PTPRD: variants seen among roughly 807,000 people sequenced by gnomAD.
PTPRD encodes the protein protein tyrosine phosphatase receptor type D, also known as receptor-type tyrosine-protein phosphatase delta.
PTPRD carries 34 observed loss-of-function variants against 214.5 expected under a neutral mutation model. That is an observed-to-expected ratio of 0.16 (90% CI 0.12 to 0.21). The LOEUF (loss-of-function observed/expected upper bound fraction) is 0.21, where lower values mean the gene tolerates loss of function less well. Among genes scored for constraint, PTPRD ranks in the 10% least tolerant of loss-of-function variants. The pLI, the probability that PTPRD is intolerant of heterozygous loss-of-function variation, is 1.00. For missense variants in PTPRD, 2,545 were observed against 2,398.7 expected (o/e 1.06, Z -1.27); for synonymous variants, 1,128 against 845.7 (o/e 1.33, Z -5.79).
intron 9 of PTPRD, among the ~76,000 whole-genome samples, chr9:9,265,668 T>C (rs994054344): frequency 1.3e-5 from 2 of 151,536 alleles, no homozygotes; most frequent in Non-Finnish European, 3.0e-5. Flanking sequence ...AATCCTATTT[T>C]TTATGTAAGC....
intron 10 of PTPRD, among the ~76,000 whole-genome samples, chr9:9,079,338 A>T (rs1255988603): frequency 1.3e-5 from 2 of 152,056 alleles, no homozygotes; most frequent in Non-Finnish European, 1.5e-5. Flanking sequence ...TATTTCACTT[A>T]ATATCCTTCA....
chr9:8,316,678 T>G lies in PTPRD; in HGVS notation c.*1196A>C, dbSNP rs1563836095. 1 of 230,306 alleles carries G rather than the reference T, an allele frequency of 4.3e-6. No individual in the cohort carries two copies. Among genetic ancestry groups the G allele is most frequent in the African/African-American group, 2.2e-5 (1 of 45,030 alleles). The allele number at this position is 230,306 out of a possible 1,614,324, so 14.3% of individuals were successfully genotyped here. A position where few individuals can be genotyped will look rare whatever the true frequency, so the allele number is the denominator to read the frequency against. On this transcript the variant is annotated 3_prime_UTR_variant, in exon 46 of 46. Transcript: ENST00000381196. ...TATTGAACTTTGTTGGAAGCCTGAC[T>G]AACAAACAAACAAAACAATTTGTGG... is the stretch of plus-strand genomic sequence containing the variant.
intron 8 of PTPRD, among the ~76,000 whole-genome samples, chr9:9,398,352 T>G (rs2068725655): frequency 6.6e-6 from 1 of 152,026 alleles, no homozygotes; most frequent in Non-Finnish European, 1.5e-5. Flanking sequence ...GTTTATGCCT[T>G]AACCCTGTTC....
intron 10 of PTPRD, among the ~76,000 whole-genome samples, chr9:9,122,644 C>G (rs887602551): frequency 1.3e-5 from 2 of 152,208 alleles, no homozygotes; most frequent in African/African-American, 4.8e-5. Context: ...TGCCGCAGTA[C>G]ATGACATGAA....
At chr9:10,486,434 G>T (rs1173512421) in intron 2 of PTPRD, among the ~76,000 whole-genome samples, 1 of 152,150 alleles carries the variant, frequency 6.6e-6, no homozygotes, top group Non-Finnish European at 1.5e-5. Context: ...TTACTGAATA[G>T]GAGATTCTCT....
intron 3 of PTPRD, among the ~76,000 whole-genome samples, chr9:10,120,452 A>G (rs562678539): frequency 6.6e-6 from 1 of 152,030 alleles, no homozygotes. Context: ...CACACAAATC[A>G]TAAGATCTCA....
chr9:9,084,716 C>G (rs748621002), intron 10 of PTPRD, among the ~76,000 whole-genome samples: 14 of 152,038 alleles, frequency 9.2e-5, no homozygotes, highest in Non-Finnish European at 2.9e-5. Context: ...ATGACACACA[C>G]TATAGCAAAA....
At chr9:9,795,998 T>C (rs979593317) in intron 5 of PTPRD, among the ~76,000 whole-genome samples, 13 of 152,100 alleles carry the variant, frequency 8.5e-5, no homozygotes, top group Admixed American at 2.6e-4. Context: ...AAAAAGAAAA[T>C]ATATAGAATT....
chr9:10,231,956 T>TAGAGAGAGAGAGAGAG (rs56151511), intron 3 of PTPRD, among the ~76,000 whole-genome samples: 2 of 109,018 alleles, frequency 1.8e-5, no homozygotes, highest in African/African-American at 8.3e-5. Context: ...GGGAATGAAT[T>TAGAGAGAGAGAGAGAG]AGAGAGAGAG....
chr9:9,191,632 A>T (rs1056428773), intron 9 of PTPRD, among the ~76,000 whole-genome samples: 2 of 152,114 alleles, frequency 1.3e-5, no homozygotes, highest in Non-Finnish European at 2.9e-5. Context: ...ATGCCTGATG[A>T]TGACCATATC....
At chr9:10,562,380 T>C (rs2064242532) in intron 2 of PTPRD, among the ~76,000 whole-genome samples, 1 of 151,982 alleles carries the variant, frequency 6.6e-6, no homozygotes, top group African/African-American at 2.4e-5. Flanking sequence ...TCAGCACAAT[T>C]AGAAGTAACA....
At chr9:9,758,497 C>A (rs1452052428) in intron 6 of PTPRD, among the ~76,000 whole-genome samples, 1 of 152,056 alleles carries the variant, frequency 6.6e-6, no homozygotes. Flanking sequence ...TGAAGAATCA[C>A]CAAATGATTG....
Position 8,449,805 on chromosome 9 carries a change from C to A in PTPRD, c.3908G>T (p.Ser1303Ile), listed in dbSNP as rs756024990. 1 of 1,613,982 alleles carries A rather than the reference C, an allele frequency of 6.2e-7. No homozygotes were observed. Among genetic ancestry groups the A allele is most frequent in the South Asian group, 1.1e-5 (1 of 91,078 alleles). ...AGGGATCTCCTTATTGTTCGGTATG[C>A]TGCTTTTTCTAGAGTCGGACTCTGC... ...KRAESDSRKSSIPNNKEIPSH... is the reference protein window; with the variant it reads ...KRAESDSRKSIIPNNKEIPSH... Residue 1303 changes from serine to isoleucine, a missense_variant, in exon 34 of 46, where the codon AGC becomes ATC. Ser to Ile is a moderately radical substitution (Grantham distance 142). Coordinates refer to ENST00000381196, the MANE Select transcript of PTPRD (RefSeq NM_002839.4).
At chr9:9,628,346 T>C (rs1231811640) in intron 7 of PTPRD, among the ~76,000 whole-genome samples, 1 of 152,196 alleles carries the variant, frequency 6.6e-6, no homozygotes, top group Non-Finnish European at 1.5e-5. Flanking sequence ...AAAATCAGCA[T>C]ATCCAAAAAC....
At chr9:10,512,211 C>A (rs1283046387) in intron 2 of PTPRD, among the ~76,000 whole-genome samples, 1 of 150,144 alleles carries the variant, frequency 6.7e-6, no homozygotes, top group East Asian at 2.0e-4. Context: ...CAAAAAAAAT[C>A]AGTAAAAATT....
intron 10 of PTPRD, among the ~76,000 whole-genome samples, chr9:9,150,323 T>A (rs987369956): frequency 6.6e-6 from 1 of 151,760 alleles, no homozygotes; most frequent in Non-Finnish European, 1.5e-5. Context: ...ACGTGCTTTG[T>A]GCTAGCGTAG....
chr9:10,589,553 G>T (rs1374247495), intron 2 of PTPRD, among the ~76,000 whole-genome samples: 1 of 152,050 alleles, frequency 6.6e-6, no homozygotes, highest in African/African-American at 2.4e-5. Context: ...AGTAAAGGGG[G>T]AGAGACAGAC....
chr9:10,301,303 G>A (rs554279906), intron 3 of PTPRD, among the ~76,000 whole-genome samples: 1 of 152,264 alleles, frequency 6.6e-6, no homozygotes, highest in South Asian at 2.1e-4. Flanking sequence ...AATCCACAAA[G>A]ATGGGGAGAA....
chr9:9,445,098 G>A (rs2089919505), intron 8 of PTPRD, among the ~76,000 whole-genome samples: 2 of 152,084 alleles, frequency 1.3e-5, no homozygotes, highest in Admixed American at 6.5e-5. Context: ...TTTTGCACTT[G>A]GTAATATTTC....
Sources: gnomAD v4.1 joint callset for allele counts (sites outside exome capture counted in the v4.1 genomes callset) on GRCh38, gnomAD v4.1.1 for gene constraint, MANE v1.5 for transcripts, NCBI Gene and HGNC (gene_info 2026-07-23, HGNC 2026-07-21) for gene names.